TSPAN3: variants seen among roughly 807,000 people sequenced by gnomAD.
The protein encoded by TSPAN3 is tetraspanin-3.
In TSPAN3, 9 loss-of-function variants were observed where a neutral mutation model predicts 31.1. The observed-to-expected ratio is 0.29, with a 90% CI of 0.17 to 0.50. TSPAN3 has a LOEUF of 0.50. TSPAN3 is among the 20% of genes least tolerant of loss of function. TSPAN3 has a pLI of 0.98. For missense variants in TSPAN3, 252 were observed against 313.5 expected (o/e 0.80, Z 1.48); for synonymous variants, 129 against 114.3 (o/e 1.13, Z -0.82).
At chr15:77,061,425 C>T (rs747945496) in intron 1 of TSPAN3, among the ~76,000 whole-genome samples, 1 of 151,892 alleles carries the variant, frequency 6.6e-6, no homozygotes, top group Non-Finnish European at 1.5e-5. Flanking sequence ...TACTCAGAAA[C>T]GCTGAGGCAG....
chr15:77,047,765 A>T (rs1353141363), intron 6 of TSPAN3, among the ~76,000 whole-genome samples: 1 of 152,246 alleles, frequency 6.6e-6, no homozygotes, highest in Non-Finnish European at 1.5e-5. Flanking sequence ...CTCCCAAAAT[A>T]TAATTTTTTT....
At chr15:77,055,619 G>C (rs1225987100) in intron 3 of TSPAN3, 170 bp downstream of exon 3, 3 of 579,042 alleles carry the variant, frequency 5.2e-6, no homozygotes, top group Non-Finnish European at 9.1e-6. Context: ...AATGAGGTAA[G>C]GAGTCTTGAC....
intron 1 of TSPAN3, 28 bp downstream of exon 1, chr15:77,070,864 G>T: frequency 7.7e-7 from 1 of 1,293,692 alleles, no homozygotes; most frequent in Non-Finnish European, 9.9e-7. Flanking sequence ...CCCGCCGCCG[G>T]CCCCTCGCTC....
At chr15:77,055,900 A>C in intron 2 of TSPAN3, 37 bp from the exon 3 acceptor site, 1 of 1,571,094 alleles carries the variant, frequency 6.4e-7, no homozygotes, top group South Asian at 1.2e-5. Context: ...TATACAAATG[A>C]AAAAATAACT....
chr15:77,053,457 A>C (rs1483057117), intron 4 of TSPAN3, among the ~76,000 whole-genome samples: 1 of 59,070 alleles, frequency 1.7e-5, no homozygotes, highest in East Asian at 4.3e-4. Flanking sequence ...ATCTCAAAAA[A>C]AAAAAAAAAA....
In TSPAN3 at chr15:77,052,373, A is replaced by C. The variant is rs759682803; in HGVS notation, c.669+12T>G. On this transcript the variant is annotated intron_variant, in intron 6 of 6. Coordinates refer to ENST00000267970, the MANE Select transcript of TSPAN3 (RefSeq NM_005724.6). ...CTCACTCCGATAGAACTCCTTGGCA[A>C]GCTGTGCTTACCTGAATAGCTGCAA... The C allele has an allele frequency of 6.2e-7, 1 of 1,613,854 alleles. No homozygotes were observed.
Position 77,071,071 on chromosome 15 carries a change from C to A in TSPAN3, c.-117G>T, listed in dbSNP as rs1438136113. 1 of 667,374 alleles carries A rather than the reference C, an allele frequency of 1.5e-6. No homozygotes were observed. The highest frequency in any genetic ancestry group is 2.1e-6 in the Non-Finnish European group (1 of 479,788). 41.3% of individuals were successfully genotyped at this position (667,374 alleles called of 1,614,324 possible). On this transcript the variant is annotated 5_prime_UTR_variant, in exon 1 of 7. Coordinates refer to ENST00000267970, the MANE Select transcript of TSPAN3 (RefSeq NM_005724.6). Reference sequence around the variant, plus strand: ...TGCACGGCCTGCGCGGCGCTCCCCGCAGCCCCTGCGCCGTCGCGCAGCCCC... The same window carrying A: ...TGCACGGCCTGCGCGGCGCTCCCCGAAGCCCCTGCGCCGTCGCGCAGCCCC...
intron 1 of TSPAN3, among the ~76,000 whole-genome samples, chr15:77,061,188 G>C (rs2076798301): frequency 6.6e-6 from 1 of 151,516 alleles, no homozygotes; most frequent in Non-Finnish European, 1.5e-5. Flanking sequence ...CTAGTTTTTG[G>C]GGGGGTAATT....
At position 77,071,022 on chromosome 15, in the gene TSPAN3, C is replaced by A; in HGVS notation, c.-68G>T. Reference sequence around the variant, plus strand: ...GCGCTCACCGAGAGAGCGGCAATGGCGGCGGCGCCTCCTCGCTAGGAACTG... The same window carrying A: ...GCGCTCACCGAGAGAGCGGCAATGGAGGCGGCGCCTCCTCGCTAGGAACTG... On this transcript the variant is annotated 5_prime_UTR_variant, in exon 1 of 7. Coordinates refer to ENST00000267970, the MANE Select transcript of TSPAN3 (RefSeq NM_005724.6). 2.5e-6 allele frequency: 3 copies of A among 1,184,126 alleles called. No homozygotes were observed. The highest frequency in any genetic ancestry group is 3.3e-6 in the Non-Finnish European group (3 of 910,106). 73.4% of individuals were successfully genotyped at this position (1,184,126 alleles called of 1,614,324 possible).
chr15:77,060,485 AC>A (rs2076794408), intron 1 of TSPAN3, among the ~76,000 whole-genome samples: 1 of 152,236 alleles, frequency 6.6e-6, no homozygotes, highest in African/African-American at 2.4e-5. Context: ...ACCCAAAAGA[AC>A]ATGGGAAACA....
At position 77,054,279 on chromosome 15, in the gene TSPAN3, C is replaced by T. The variant is rs766173493; in HGVS notation, c.331G>A (p.Val111Met). 4 of 1,609,178 alleles carry T rather than the reference C, an allele frequency of 2.5e-6. No individual in the cohort carries two copies. The highest frequency in any genetic ancestry group is 3.4e-6 in the Non-Finnish European group (4 of 1,176,032). Reference protein sequence around the residue: ...VVLGYVYRAKVENEVDRSIQK... With the variant: ...VVLGYVYRAKMENEVDRSIQK... The stretch of plus-strand genomic sequence containing the variant: ...ATGCTGCGATCAACCTCATTTTCCA[C>T]CTGAATCAGAACAAAGAATTCAGTC... Residue 111 changes from valine (V) to methionine (M), a missense_variant and splice_region_variant, in exon 4 of 7, where the codon GTG (valine) becomes ATG (methionine). Coordinates refer to ENST00000267970, the MANE Select transcript of TSPAN3 (RefSeq NM_005724.6).
rs908021067 is a variant in TSPAN3 at position 77,045,591 on chromosome 15, T to G, written c.*1244A>C. The G allele has an allele frequency of 1.3e-5, 2 of 152,330 alleles. No individual in the cohort carries two copies. The highest frequency in any genetic ancestry group is 3.9e-4 in the East Asian group (2 of 5,194). 9.4% of individuals were successfully genotyped at this position (152,330 alleles called of 1,614,324 possible). On this transcript the variant is annotated 3_prime_UTR_variant, in exon 7 of 7. Coordinates refer to ENST00000267970, the MANE Select transcript of TSPAN3 (RefSeq NM_005724.6). ...TATTTTAAGCTCCCTGCACACACAA[T>G]TTTGTTTCACACTCTTGTGTACCAT... is the stretch of plus-strand genomic sequence containing the variant.
chr15:77,070,630 C>A (rs972836951), intron 1 of TSPAN3, among the ~76,000 whole-genome samples: 1 of 152,006 alleles, frequency 6.6e-6, no homozygotes, highest in Non-Finnish European at 1.5e-5. Context: ...CCGCGTGGGC[C>A]GAGCGCGGAG....
chr15:77,068,004 A>G (rs2076843567), intron 1 of TSPAN3: 1 of 152,178 alleles, frequency 6.6e-6, no homozygotes, highest in Non-Finnish European at 1.5e-5. Flanking sequence ...AAATGTACCT[A>G]ATATTCCCTG....
chr15:77,056,670 C>T (rs2076770836), intron 1 of TSPAN3, among the ~76,000 whole-genome samples: 1 of 151,356 alleles, frequency 6.6e-6, no homozygotes, highest in African/African-American at 2.4e-5. Flanking sequence ...TGAACTCAGG[C>T]AATCTGACTC....
In TSPAN3 at chr15:77,043,356, G is replaced by A. The variant is rs148574175; in HGVS notation, c.*3479C>T. 55 of 152,234 alleles carry A rather than the reference G, an allele frequency of 3.6e-4. No individual in the cohort carries two copies. Among genetic ancestry groups the A allele is most frequent in the African/African-American group, 1.3e-3 (55 of 41,530 alleles). The allele number at this position is 152,234 out of a possible 1,614,324, so 9.4% of individuals were successfully genotyped here. ...TTAGTAGTTAACTACCTTCTACACA[G>A]TTAACAATTACTTATATTAAAACCT... On this transcript the variant is annotated 3_prime_UTR_variant, in exon 7 of 7. Coordinates refer to ENST00000267970, the MANE Select transcript of TSPAN3 (RefSeq NM_005724.6).
At position 77,046,864 on chromosome 15, in the gene TSPAN3, G is replaced by C; in HGVS notation, c.733C>G (p.Leu245Val). ...GCATAGGTTCCGCCAGTGATGAGGA[G>C]CTCGTAAGCAGGATCTCTACTCCTT... ...CRRSRDPAYE[L>V]LITGGTYA The change falls in exon 7 of 7, where the codon CTC becomes GTC. Residue 245 changes from leucine to valine, a missense_variant. Coordinates refer to ENST00000267970, the MANE Select transcript of TSPAN3 (RefSeq NM_005724.6). 6.3e-7 allele frequency: 1 copy of C among 1,594,484 alleles called. No homozygotes were observed. The highest frequency in any genetic ancestry group is 1.3e-5 in the African/African-American group (1 of 74,670).
intron 5 of TSPAN3, 140 bp downstream of exon 5, chr15:77,052,637 C>G (rs2076739621): frequency 9.1e-7 from 1 of 1,097,542 alleles, no homozygotes; most frequent in African/African-American, 1.6e-5. Flanking sequence ...CAAAGACATG[C>G]ATTTTATAAT....
Position 77,052,943 on chromosome 15 carries a change from GA to G in TSPAN3, c.433-15del. ...ACAACAATGCAGCTAAAGGAGAAGA[GA>G]ATAAGTATTATTTCTCACAAAAACC... On this transcript the variant is annotated splice_polypyrimidine_tract_variant and intron_variant, in intron 4 of 6. Transcript: ENST00000267970. 2 of 1,604,386 alleles carry G rather than the reference GA, an allele frequency of 1.2e-6. No homozygotes were observed. The highest frequency in any genetic ancestry group is 1.7e-6 in the Non-Finnish European group (2 of 1,174,232).
Sources: gnomAD v4.1 joint callset for allele counts (sites outside exome capture counted in the v4.1 genomes callset) on GRCh38, gnomAD v4.1.1 for gene constraint, MANE v1.5 for transcripts, NCBI Gene and HGNC (gene_info 2026-07-23, HGNC 2026-07-21) for gene names.